VPS13D: variants seen among roughly 807,000 people sequenced by gnomAD.
VPS13D encodes the protein vacuolar protein sorting 13 homolog D.
Under a neutral mutation model 461.9 loss-of-function variants are expected in VPS13D, and 187 were observed. The ratio of observed to expected loss-of-function variants is 0.40; its 90% confidence interval spans 0.36 to 0.46. The LOEUF (loss-of-function observed/expected upper bound fraction) is 0.46. Among genes scored for constraint, VPS13D ranks in the 20% least tolerant of loss-of-function variants. The pLI is 0.60. For missense variants in VPS13D, 4,711 were observed against 5,364.9 expected (o/e 0.88, Z 3.81); for synonymous variants, 1,951 against 1,986.3 (o/e 0.98, Z 0.47).
At chr1:12,309,212 CTTTTTTTTTT>C (rs201262655) in intron 27 of VPS13D, among the ~76,000 whole-genome samples, 2 of 131,052 alleles carry the variant, frequency 1.5e-5, no homozygotes, top group African/African-American at 5.6e-5. Context: ...TCTTTTTTTT[CTTTTTTTTTT>C]TTTTTTTGAG....
rs142718807 is a variant in VPS13D at position 12,245,298 on chromosome 1, G to A, written c.447+681G>A. On this transcript the variant is annotated intron_variant, in intron 5 of 69. Transcript: ENST00000620676. ...TTCTTGCAGTGCCAATGTGACAGAG[G>A]CCAAATGTGTTCAATGTATGTCATG... 3.3e-3 allele frequency among the ~76,000 whole-genome samples: 507 copies of A among 152,268 alleles called. 2 individuals are homozygous for A. Among genetic ancestry groups the A allele is most frequent in the Non-Finnish European group, 5.9e-3 (402 of 68,018 alleles).
In VPS13D at chr1:12,287,492, A is replaced by G. The variant is rs147356769; in HGVS notation, c.5635-731A>G. ...TGCTGTTAAGGAGTGGAGGGTGTGA[A>G]TTGAAGATTAAATCTGCTCTCAGTC... On this transcript the variant is annotated intron_variant, in intron 21 of 69. Transcript: ENST00000620676. Among the ~76,000 whole-genome samples, 365 of 152,288 alleles carry G rather than the reference A, an allele frequency of 2.4e-3. 3 individuals carry two copies. The highest frequency in any genetic ancestry group is 8.3e-3 in the African/African-American group (345 of 41,548).
chr1:12,358,051 T>TG (rs1159419030), intron 49 of VPS13D, among the ~76,000 whole-genome samples: 4 of 152,036 alleles, frequency 2.6e-5, no homozygotes, highest in Middle Eastern at 6.8e-3. Context: ...GCATCATACC[T>TG]GTATCTTCTG....
intron 63 of VPS13D, among the ~76,000 whole-genome samples, chr1:12,405,961 C>A (rs150863275): frequency 6.6e-6 from 1 of 152,172 alleles, no homozygotes; most frequent in Middle Eastern, 3.2e-3. Context: ...AGCTCCAGCC[C>A]CCCCCAGTTA....
chr1:12,258,270 T>C (rs1022606944), intron 10 of VPS13D, among the ~76,000 whole-genome samples, 167 bp downstream of exon 10: 8 of 152,048 alleles, frequency 5.3e-5, no homozygotes, highest in African/African-American at 1.5e-4. Context: ...GCCAGGAGCA[T>C]CCTCCACCTT....
intron 68 of VPS13D, among the ~76,000 whole-genome samples, chr1:12,501,960 G>A (rs1287511228): frequency 6.6e-6 from 1 of 152,202 alleles, no homozygotes. Flanking sequence ...CTCACGGCAG[G>A]TCTGGGGAAT....
At chr1:12,252,197 C>G (rs1291745297) in intron 6 of VPS13D, among the ~76,000 whole-genome samples, 6 of 152,112 alleles carry the variant, frequency 3.9e-5, no homozygotes. Flanking sequence ...GTTACATACA[C>G]GCTTCTGTGT....
chr1:12,238,632 C>CT (rs757737137), intron 2 of VPS13D, among the ~76,000 whole-genome samples: 6,602 of 132,226 alleles, frequency 0.05, 247 homozygotes, highest in Admixed American at 0.12. Context: ...AGCTGCTATT[C>CT]TTTTTTTTTT....
rs941531253 is a variant in VPS13D at position 12,353,863 on chromosome 1, A to G, written c.9432-111A>G. On this transcript the variant is annotated intron_variant, in intron 46 of 69. Coordinates refer to ENST00000620676, the MANE Select transcript of VPS13D (RefSeq NM_015378.4). Reference sequence around the variant, plus strand: ...GTATTTGGATTGAAAACTGCAAATAATTTTACTCATTGAACCATCTTAATG... The same window carrying G: ...GTATTTGGATTGAAAACTGCAAATAGTTTTACTCATTGAACCATCTTAATG... The G allele has an allele frequency of 1.7e-5, 19 of 1,123,636 alleles. No homozygotes were observed. In the Admixed American group the frequency reaches 4.2e-4, roughly 25 times the overall value. 69.6% of individuals were successfully genotyped at this position (1,123,636 alleles called of 1,614,324 possible). A position where few individuals can be genotyped will look rare whatever the true frequency, so the allele number is the denominator to read the frequency against.
At chr1:12,474,963 T>A (rs1645611252) in intron 67 of VPS13D, among the ~76,000 whole-genome samples, 1 of 152,086 alleles carries the variant, frequency 6.6e-6, no homozygotes, top group Non-Finnish European at 1.5e-5. Flanking sequence ...TTTTTTTTTT[T>A]AAGTTTTAGA....
rs754467166 is a variant in VPS13D, at chr1:12,362,700, G to A, written c.10142-20G>A. ...CTCTCTTCATGGTTAACTCATAAAA[G>A]TGGTTCTTGTTATTTGTAGGTATTG... On this transcript the variant is annotated intron_variant, in intron 50 of 69. Transcript: ENST00000620676. 1.2e-6 allele frequency: 2 copies of A among 1,611,604 alleles called. No individual in the cohort carries two copies. The highest frequency in any genetic ancestry group is 3.4e-5 in the Admixed American group (2 of 59,512).
intron 67 of VPS13D, among the ~76,000 whole-genome samples, chr1:12,474,005 T>C (rs928673762): frequency 6.6e-6 from 1 of 152,120 alleles, no homozygotes; most frequent in African/African-American, 2.4e-5. Flanking sequence ...CTATTGTTAG[T>C]GTCTGCTGTA....
intron 6 of VPS13D, among the ~76,000 whole-genome samples, chr1:12,249,883 A>G (rs776158045): frequency 9.9e-5 from 15 of 152,188 alleles, no homozygotes; most frequent in Non-Finnish European, 1.9e-4. Flanking sequence ...CTATAGTTCA[A>G]GTCAATTCTG....
At chr1:12,356,944 A>G (rs780605528) in intron 49 of VPS13D, among the ~76,000 whole-genome samples, 8 of 152,214 alleles carry the variant, frequency 5.3e-5, no homozygotes, top group Non-Finnish European at 7.3e-5. Flanking sequence ...CAGGATTTGT[A>G]TCACATTTGG....
At chr1:12,339,946 A>G (rs1345912499) in intron 40 of VPS13D, among the ~76,000 whole-genome samples, 1 of 152,222 alleles carries the variant, frequency 6.6e-6, no homozygotes, top group South Asian at 2.1e-4. Context: ...GCAAATGGAA[A>G]CTTACAGTCT....
chr1:12,253,651 GT>G, intron 6 of VPS13D, 70 bp from the exon 7 acceptor site: 3 of 1,203,928 alleles, frequency 2.5e-6, no homozygotes, highest in South Asian at 1.2e-5. Context: ...TTTACAAATG[GT>G]TTGTTGAATG....
intron 39 of VPS13D, chr1:12,336,259 G>C (rs1420340010): frequency 6.0e-6 from 1 of 167,568 alleles, no homozygotes; most frequent in Admixed American, 6.0e-5. Flanking sequence ...CTTGAAAAGA[G>C]GGCGAGCAGG....
At chr1:12,456,268 C>CTGCGG in intron 66 of VPS13D, 138 bp downstream of exon 66, 1 of 1,306,956 alleles carries the variant, frequency 7.7e-7, no homozygotes, top group Non-Finnish European at 1.0e-6. Flanking sequence ...TTTTGGGAGG[C>CTGCGG]CTAGGAGAGT....
chr1:12,284,465 A>G (rs1193558138), intron 21 of VPS13D, among the ~76,000 whole-genome samples: 1 of 152,238 alleles, frequency 6.6e-6, no homozygotes, highest in East Asian at 1.9e-4. Context: ...TACTGTAAGT[A>G]TTAAGAAAAA....
Sources: gnomAD v4.1 joint callset for allele counts (sites outside exome capture counted in the v4.1 genomes callset) on GRCh38, gnomAD v4.1.1 for gene constraint, MANE v1.5 for transcripts, NCBI Gene and HGNC (gene_info 2026-07-23, HGNC 2026-07-21) for gene names.